The following CGAS variants were observed in gnomAD, a reference collection of about 807,000 sequenced individuals.
CGAS encodes the protein 2'3'-cGAMP synthase.
In CGAS, 31 loss-of-function variants were observed where a neutral mutation model predicts 34.0. That is an observed-to-expected ratio of 0.91 (90% CI 0.69 to 1.23). The LOEUF (loss-of-function observed/expected upper bound fraction) is 1.23, where lower values mean the gene tolerates loss of function less well. Among genes scored for constraint, CGAS ranks in the 50% most tolerant of loss-of-function variants. CGAS has a pLI of 0.00. For missense variants in CGAS, 597 were observed against 657.6 expected (o/e 0.91, Z 1.01); for synonymous variants, 266 against 260.0 (o/e 1.02, Z -0.22).
At chr6:73,442,163 GT>G (rs1770390111) in intron 2 of CGAS, among the ~76,000 whole-genome samples, 2 of 152,064 alleles carry the variant, frequency 1.3e-5, no homozygotes, top group African/African-American at 4.8e-5. Context: ...GTGAGCCACT[GT>G]GCCTGGCCCT....
rs1005507109 is a variant in CGAS at position 73,429,031 on chromosome 6, CA to C, written c.1115-221del. Among the ~76,000 whole-genome samples, 248 of 151,178 alleles carry C rather than the reference CA, an allele frequency of 1.6e-3. 3 individuals are homozygous for C. The highest frequency in any genetic ancestry group is 5.8e-3 in the African/African-American group (238 of 41,230). On this transcript the variant is annotated intron_variant, in intron 3 of 4. Transcript: ENST00000370315. ...GAGAAACCCATCTCTACCAAAAATA[CA>C]AAAAAAAGTTATCCTGGCATGGTGG...
At chr6:73,433,070 C>T (rs1417275009) in intron 3 of CGAS, among the ~76,000 whole-genome samples, 3 of 151,650 alleles carry the variant, frequency 2.0e-5, no homozygotes, top group Admixed American at 6.6e-5. Flanking sequence ...GGTGACAGAG[C>T]GAGACTCCAT....
chr6:73,451,855 C>T lies in CGAS; in HGVS notation c.327G>A (p.Ala109=), dbSNP rs1160902305. The change falls in exon 1 of 5, where the codon GCG becomes GCA. Residue 109 remains alanine (A), a synonymous_variant. Coordinates refer to ENST00000370315, the MANE Select transcript of CGAS (RefSeq NM_138441.3). ...APGAEGLEPP[A]AREPALSRAG... ...CCCTGGAAAGAGCCGGCTCCCGAGCCGCAGGAGGCTCCAGCCCCTCTGCCC... is the reference window on the plus strand; with the variant it reads ...CCCTGGAAAGAGCCGGCTCCCGAGCTGCAGGAGGCTCCAGCCCCTCTGCCC... 1 of 1,549,886 alleles carries T rather than the reference C, an allele frequency of 6.5e-7. No homozygotes were observed. Among genetic ancestry groups the T allele is most frequent in the South Asian group, 1.2e-5 (1 of 84,254 alleles).
chr6:73,426,344 G>GAT (rs1354789938), intron 4 of CGAS, among the ~76,000 whole-genome samples: 8 of 136,052 alleles, frequency 5.9e-5, no homozygotes, highest in Non-Finnish European at 1.1e-4. Context: ...GAAATGAAAT[G>GAT]AAATGATAAA....
At chr6:73,429,803 G>T (rs1056592750) in intron 3 of CGAS, among the ~76,000 whole-genome samples, 15 of 151,488 alleles carry the variant, frequency 9.9e-5, no homozygotes, top group Admixed American at 5.9e-4. Context: ...TCCAGCCTGG[G>T]CAACAGCACA....
rs901219481 is a variant in CGAS at position 73,452,058 on chromosome 6, C to T, written c.124G>A (p.Glu42Lys). ...MDPTESPAAPEAALPKAGKFG... is the reference protein window; with the variant it reads ...MDPTESPAAPKAALPKAGKFG... ...TTTCCCGCCTTAGGCAGGGCGGCCT[C>T]GGGGGCAGCCGGAGACTCGGTGGGA... The change falls in exon 1 of 5, where the codon GAG (glutamate) becomes AAG (lysine). Residue 42 changes from glutamate (E) to lysine (K), a missense_variant. By Grantham distance (56) the Glu-to-Lys change is moderately conservative (BLOSUM62 1). Around this residue, in one of 3 missense-constraint regions of CGAS, gnomAD observed 321 missense variants for 314.3 expected, o/e 1.02. Coordinates refer to ENST00000370315, the MANE Select transcript of CGAS (RefSeq NM_138441.3). 10 of 1,526,568 alleles carry T rather than the reference C, an allele frequency of 6.6e-6. No homozygotes were observed. The African/African-American group carries it at 1.4e-4, about 21-fold the overall frequency. The allele number at this position is 1,526,568 out of a possible 1,614,324, so 94.6% of individuals were successfully genotyped here. A position where few individuals can be genotyped will look rare whatever the true frequency, so the allele number is the denominator to read the frequency against.
rs79011794 is a variant in CGAS at position 73,428,654 on chromosome 6, C to A, written c.1217+55G>T. The A allele has an allele frequency of 5.8e-3, 8,884 of 1,536,932 alleles. 418 individuals are homozygous for A. In the African/African-American group the frequency reaches 0.11, roughly 19 times the overall value. On this transcript the variant is annotated intron_variant, in intron 4 of 4. Transcript: ENST00000370315. ...CTTCAGGTCTGAGGTGTGGAGTCAA[C>A]AAATAATTAAGCATACCATAGATAA...
At chr6:73,443,115 C>A (rs180907459) in intron 2 of CGAS, among the ~76,000 whole-genome samples, 3 of 152,208 alleles carry the variant, frequency 2.0e-5, no homozygotes, top group Non-Finnish European at 4.4e-5. Context: ...TCTTGTCAAC[C>A]CCACAAGACC....
At position 73,448,457 on chromosome 6, in the gene CGAS, G is replaced by A. The variant is rs1437310437; in HGVS notation, c.658-2710C>T. Reference sequence around the variant, plus strand: ...AAAACTACAATTAATTGATTTCTATGTAACCTTTTCACTGAGTCCAAACTA... The same window carrying A: ...AAAACTACAATTAATTGATTTCTATATAACCTTTTCACTGAGTCCAAACTA... On this transcript the variant is annotated intron_variant, in intron 1 of 4. Coordinates refer to ENST00000370315, the MANE Select transcript of CGAS (RefSeq NM_138441.3). 6.6e-5 allele frequency among the ~76,000 whole-genome samples: 10 copies of A among 152,228 alleles called. No individual in the cohort carries two copies. The East Asian group carries it at 1.7e-3, about 26-fold the overall frequency.
intron 3 of CGAS, among the ~76,000 whole-genome samples, chr6:73,430,934 G>A (rs4706538): frequency 0.029 from 4,360 of 151,558 alleles, 87 homozygotes; most frequent in Middle Eastern, 0.058. Context: ...AAACTCCGTC[G>A]CTACTAAAAA....
rs1226212820 is a variant in CGAS, at chr6:73,424,240, C to G, written c.*987G>C. The G allele has an allele frequency of 6.6e-6, 1 of 152,148 alleles. No homozygotes were observed. Among genetic ancestry groups the G allele is most frequent in the Non-Finnish European group, 1.5e-5 (1 of 68,048 alleles). 9.4% of individuals were successfully genotyped at this position (152,148 alleles called of 1,614,324 possible). On this transcript the variant is annotated 3_prime_UTR_variant, in exon 5 of 5. Transcript: ENST00000370315. ...ACAAGGTAAGGAGATCGAGACCATC[C>G]TGGCTAACATGGTGAAACCCCATCT...
chr6:73,428,063 T>A (rs998170818), intron 4 of CGAS, among the ~76,000 whole-genome samples: 2 of 151,612 alleles, frequency 1.3e-5, no homozygotes, highest in African/African-American at 2.4e-5. Flanking sequence ...CTCTACAAAA[T>A]TTTTTTTTAA....
rs762201027 is a variant in CGAS, at chr6:73,451,978, G to T, written c.204C>A (p.Thr68=). 35 of 1,481,006 alleles carry T rather than the reference G, an allele frequency of 2.4e-5. No homozygotes were observed. Among genetic ancestry groups the T allele is most frequent in the Non-Finnish European group, 3.1e-5 (35 of 1,114,272 alleles). The allele number at this position is 1,481,006 out of a possible 1,614,324, so 91.7% of individuals were successfully genotyped here. The change falls in exon 1 of 5, where the codon ACC becomes ACA. Residue 68 remains threonine (T), a synonymous_variant. Coordinates refer to ENST00000370315, the MANE Select transcript of CGAS (RefSeq NM_138441.3). The part of the protein sequence containing the change: ...GSRQKKSAPD[T]QERPPVRATG... Reference sequence around the variant, plus strand: ...TTGCGCGGACGGGCGGCCTCTCCTGGGTGTCCGGGGCGCTCTTTTTCTGCC... The same window carrying T: ...TTGCGCGGACGGGCGGCCTCTCCTGTGTGTCCGGGGCGCTCTTTTTCTGCC...
At chr6:73,432,470 T>C (rs2150811018) in intron 3 of CGAS, among the ~76,000 whole-genome samples, 1 of 152,070 alleles carries the variant, frequency 6.6e-6, no homozygotes, top group Middle Eastern at 3.4e-3. Flanking sequence ...CATTGATTAT[T>C]TTTTTAAGAC....
chr6:73,449,456 C>T (rs1345449021), intron 1 of CGAS, among the ~76,000 whole-genome samples: 4 of 145,278 alleles, frequency 2.8e-5, no homozygotes, highest in African/African-American at 1.0e-4. Context: ...GCCTGGGTGA[C>T]AGAGTGAGAC....
At chr6:73,449,476 A>AACACGCACAC (rs1554239202) in intron 1 of CGAS, among the ~76,000 whole-genome samples, 2 of 142,808 alleles carry the variant, frequency 1.4e-5, no homozygotes, top group Admixed American at 7.1e-5. Context: ...CTCTGTCTCA[A>AACACGCACAC]ACACACACAC....
intron 1 of CGAS, among the ~76,000 whole-genome samples, chr6:73,448,692 T>C (rs1326492214): frequency 2.0e-5 from 3 of 152,170 alleles, no homozygotes; most frequent in African/African-American, 7.2e-5. Context: ...TCTCACTATG[T>C]TGTCCAGGCT....
intron 1 of CGAS, among the ~76,000 whole-genome samples, chr6:73,449,509 A>ACACACACACACACACACAC (rs1554239200): frequency 3.4e-5 from 4 of 119,378 alleles, no homozygotes; most frequent in South Asian, 3.0e-4. Context: ...ACACACACAC[A>ACACACACACACACACACAC]AAGTGGTTCT....
At chr6:73,425,599 A>G (rs1454735881) in intron 4 of CGAS, 21 bp from the exon 5 acceptor site, 4 of 1,481,902 alleles carry the variant, frequency 2.7e-6, no homozygotes, top group Middle Eastern at 3.7e-4. Flanking sequence ...AAAAAGGAAA[A>G]CACTTATTTT....
Sources: gnomAD v4.1 joint callset for allele counts (sites outside exome capture counted in the v4.1 genomes callset) on GRCh38, gnomAD v4.1.1 for gene constraint, gnomAD v4.1.1 regional missense constraint, MANE v1.5 for transcripts, NCBI Gene and HGNC (gene_info 2026-07-23, HGNC 2026-07-21) for gene names.